The following ASH1L variants were observed in gnomAD, a reference collection of about 807,000 sequenced individuals.
The protein encoded by ASH1L is ASH1 like histone lysine methyltransferase.
ASH1L carries 23 observed loss-of-function variants against 269.0 expected under a neutral mutation model. The observed-to-expected ratio is 0.09, with a 90% CI of 0.06 to 0.12. The LOEUF (loss-of-function observed/expected upper bound fraction) is 0.12, where lower values mean the gene tolerates loss of function less well. Ranked by LOEUF, ASH1L falls within the 10% of genes least tolerant of loss-of-function variation. The pLI is 1.00. For synonymous variants in ASH1L, 1,187 were observed against 1,253.5 expected, an observed-to-expected ratio of 0.95 and a Z score of 1.12; for missense variants, 2,912 against 3,567.8, an observed-to-expected ratio of 0.82 and a Z score of 4.68.
chr1:155,384,484 T>G (rs1402747557), intron 7 of ASH1L, among the ~76,000 whole-genome samples: 1 of 152,012 alleles, frequency 6.6e-6, no homozygotes, highest in Non-Finnish European at 1.5e-5. Flanking sequence ...TGGTGTGGTT[T>G]TTTTTTGTTT....
chr1:155,456,821 A>AT (rs112433250), intron 4 of ASH1L, among the ~76,000 whole-genome samples: 7,446 of 152,182 alleles, frequency 0.049, 615 homozygotes, highest in African/African-American at 0.17. Context: ...ATGTTATAGC[A>AT]TTTTTTAACA....
intron 2 of ASH1L, among the ~76,000 whole-genome samples, chr1:155,517,894 G>A (rs894373365): frequency 1.8e-4 from 23 of 127,958 alleles, no homozygotes; most frequent in South Asian, 1.1e-3. Context: ...TCCGCCTCCC[G>A]GGTTCACGCC....
At chr1:155,346,170 A>G (rs1156270526) in intron 21 of ASH1L, 1 of 1,460,832 alleles carries the variant, frequency 6.8e-7, no homozygotes, top group Non-Finnish European at 9.1e-7. Flanking sequence ...TTCCTTCCAC[A>G]GATTTCTAAG....
chr1:155,432,189 G>A (rs1332052698), intron 5 of ASH1L, among the ~76,000 whole-genome samples: 4 of 151,930 alleles, frequency 2.6e-5, no homozygotes, highest in East Asian at 3.8e-4. Flanking sequence ...GCTTTCTTTC[G>A]CTTGCCTGAA....
chr1:155,512,433 G>A (rs985374674), intron 2 of ASH1L, among the ~76,000 whole-genome samples: 3 of 143,214 alleles, frequency 2.1e-5, no homozygotes, highest in African/African-American at 7.5e-5. Context: ...AAAAAGAAAG[G>A]CAAAGGATCT....
intron 5 of ASH1L, chr1:155,434,080 T>G (rs1182620728): frequency 7.5e-6 from 12 of 1,592,208 alleles, no homozygotes; most frequent in Non-Finnish European, 1.0e-5. Context: ...ATTTTGAGGC[T>G]GCTGGGTCTC....
chr1:155,561,118 A>G (rs1671935160), intron 1 of ASH1L, among the ~76,000 whole-genome samples: 1 of 151,838 alleles, frequency 6.6e-6, no homozygotes, highest in African/African-American at 2.4e-5. Context: ...CCTTATGCCT[A>G]AATTTCCTAT....
chr1:155,551,885 A>G (rs1558218647), intron 1 of ASH1L, among the ~76,000 whole-genome samples: 3 of 151,068 alleles, frequency 2.0e-5, no homozygotes, highest in Admixed American at 1.3e-4. Context: ...CTGAAGCAGG[A>G]GAATCACTTG....
Position 155,438,979 on chromosome 1 carries a change from C to T in ASH1L, c.5176G>A (p.Asp1726Asn), listed in dbSNP as rs1662330313. ...SLLQRMVQNE[D>N]QEPMEKSIDA... Reference sequence around the variant, plus strand: ...ATACTTTTCTCCATGGGCTCTTGGTCCTCATTTTGTACCATCCGCTGCAGC... The same window carrying T: ...ATACTTTTCTCCATGGGCTCTTGGTTCTCATTTTGTACCATCCGCTGCAGC... Residue 1726 changes from aspartate (D) to asparagine (N), a missense_variant, in exon 5 of 28, where the codon GAC becomes AAC. This residue lies in a region of ASH1L where 789 missense variants were observed against 897.6 expected (regional missense o/e 0.88). Coordinates refer to ENST00000392403, the MANE Select transcript of ASH1L (RefSeq NM_018489.3). 6.2e-7 allele frequency: 1 copy of T among 1,614,154 alleles called. No individual in the cohort carries two copies. Among genetic ancestry groups the T allele is most frequent in the African/African-American group, 1.3e-5 (1 of 75,034 alleles).
chr1:155,493,156 T>C (rs1666926411), intron 2 of ASH1L, among the ~76,000 whole-genome samples: 1 of 152,220 alleles, frequency 6.6e-6, no homozygotes, highest in Non-Finnish European at 1.5e-5. Flanking sequence ...GTGGGTTTTT[T>C]TTAACTATAG....
At position 155,426,712 on chromosome 1, in the gene ASH1L, T is replaced by A. The variant is rs539290063; in HGVS notation, c.5829-10789A>T. On this transcript the variant is annotated intron_variant, in intron 5 of 27. Transcript: ENST00000392403. ...TATCCGTTCATGACATACTTTTTAA[T>A]TTTTTTGACTATTTCTAGGCTACAC... Among the ~76,000 whole-genome samples, 351 of 152,304 alleles carry A rather than the reference T, an allele frequency of 2.3e-3. 1 individual carries two copies. The highest frequency in any genetic ancestry group is 8.1e-3 in the African/African-American group (335 of 41,572).
At chr1:155,442,516 G>C (rs1008685724) in intron 4 of ASH1L, among the ~76,000 whole-genome samples, 2 of 148,108 alleles carry the variant, frequency 1.4e-5, no homozygotes, top group African/African-American at 5.0e-5. Context: ...CTGGGAGGCA[G>C]AGGTTGCAGT....
chr1:155,499,005 AT>A (rs1051736212), intron 2 of ASH1L, among the ~76,000 whole-genome samples: 10 of 151,914 alleles, frequency 6.6e-5, no homozygotes, highest in African/African-American at 2.4e-4. Flanking sequence ...GTCACCAAAT[AT>A]TTTCTTTTCA....
intron 8 of ASH1L, 56 bp downstream of exon 8, chr1:155,379,987 C>G: frequency 7.8e-7 from 1 of 1,282,774 alleles, no homozygotes; most frequent in Non-Finnish European, 1.1e-6. Flanking sequence ...CTTGCATTTC[C>G]ACCCCTCCCC....
rs370973960 is a variant in ASH1L, at chr1:155,352,856, C to T, written c.7216G>A (p.Val2406Ile). The change falls in exon 17 of 28, where the codon GTC (valine) becomes ATC (isoleucine). Residue 2406 changes from valine (V) to isoleucine (I), a missense_variant and splice_region_variant. Physicochemically the swap from Val to Ile is conservative, Grantham distance 29. Transcript: ENST00000392403. ...AGGGCAGAGAACTGGGTCATGAAGA[C>T]ATCTGGAAAAATAAAGTGAAAATTA... ...CRDDGNIKSD[V>I]FMTQFSALQT... The T allele has an allele frequency of 7.6e-6, 12 of 1,588,160 alleles. No individual in the cohort carries two copies. The highest frequency in any genetic ancestry group is 9.4e-6 in the Non-Finnish European group (11 of 1,170,882).
At chr1:155,371,267 G>A (rs1655916684) in intron 10 of ASH1L, among the ~76,000 whole-genome samples, 1 of 152,142 alleles carries the variant, frequency 6.6e-6, no homozygotes, top group Admixed American at 6.6e-5. Context: ...CAAGAATAAG[G>A]CTGGGCAAGG....
At chr1:155,467,775 A>G (rs1664795365) in intron 3 of ASH1L, among the ~76,000 whole-genome samples, 1 of 152,140 alleles carries the variant, frequency 6.6e-6, no homozygotes, top group Admixed American at 6.5e-5. Flanking sequence ...CAAATAGTAA[A>G]TAACCTTTAT....
chr1:155,532,871 G>GTA (rs890349074), intron 1 of ASH1L, among the ~76,000 whole-genome samples: 7 of 147,158 alleles, frequency 4.8e-5, no homozygotes, highest in South Asian at 2.2e-4. Flanking sequence ...ATATATATGT[G>GTA]TATATATATG....
At chr1:155,544,433 C>T (rs549203895) in intron 1 of ASH1L, among the ~76,000 whole-genome samples, 21 of 151,906 alleles carry the variant, frequency 1.4e-4, no homozygotes, top group Non-Finnish European at 2.8e-4. Context: ...ACTATAGGTG[C>T]CTGCAACCAC....
Sources: allele counts gnomAD v4.1 joint callset (sites outside exome capture counted in the v4.1 genomes callset), GRCh38; gene constraint gnomAD v4.1.1; regional missense constraint gnomAD v4.1.1; transcripts MANE v1.5; gene names NCBI Gene and HGNC (gene_info 2026-07-23, HGNC 2026-07-21).